Variants in VPS35L observed in about 807,000 individuals in gnomAD.
The protein encoded by VPS35L is VPS35 endosomal protein-sorting factor-like.
In VPS35L, 83 loss-of-function variants were observed where a neutral mutation model predicts 133.0. The observed-to-expected ratio is 0.62, with a 90% confidence interval of 0.52 to 0.75. VPS35L has a LOEUF of 0.75. Ranked by LOEUF, VPS35L falls within the 30% of genes least tolerant of loss-of-function variation. VPS35L has a pLI of 0.00. For missense variants in VPS35L, 1,083 were observed against 1,206.8 expected, an observed-to-expected ratio of 0.90 and a Z score of 1.52; for synonymous variants, 423 against 449.9, an observed-to-expected ratio of 0.94 and a Z score of 0.76.
intron 8 of VPS35L, among the ~76,000 whole-genome samples, chr16:19,600,820 C>T (rs1276726167): frequency 2.0e-5 from 3 of 152,176 alleles, no homozygotes; most frequent in African/African-American, 7.2e-5. Flanking sequence ...GGGGCAGCTA[C>T]TAATTTGCTC....
chr16:19,638,465 A>G (rs768142625), intron 20 of VPS35L, among the ~76,000 whole-genome samples: 18 of 152,226 alleles, frequency 1.2e-4, no homozygotes, highest in Non-Finnish European at 2.2e-4. Context: ...TGCTGTGTAT[A>G]CTATGTTTTA....
chr16:19,674,004 C>A (rs532467224), intron 27 of VPS35L, among the ~76,000 whole-genome samples: 2 of 151,980 alleles, frequency 1.3e-5, no homozygotes, highest in Non-Finnish European at 1.5e-5. Context: ...TTGTGGGACG[C>A]GGCATTAGTA....
chr16:19,563,514 T>TTC (rs965443785), intron 1 of VPS35L, among the ~76,000 whole-genome samples: 1 of 152,128 alleles, frequency 6.6e-6, no homozygotes, highest in Non-Finnish European at 1.5e-5. Flanking sequence ...TTCTTGCACA[T>TTC]TCTCTCTCTC....
chr16:19,593,731 A>G (rs1228211528), intron 8 of VPS35L, among the ~76,000 whole-genome samples: 1 of 152,076 alleles, frequency 6.6e-6, no homozygotes, highest in Non-Finnish European at 1.5e-5. Context: ...AGCCTGGCCA[A>G]CATGGTGAAA....
chr16:19,582,009 C>T lies in VPS35L; in HGVS notation c.639+356C>T, dbSNP rs536418077. 6 of 195,280 alleles carry T rather than the reference C, an allele frequency of 3.1e-5. No individual in the cohort carries two copies. In the East Asian group the frequency reaches 3.7e-4, roughly 12 times the overall value. 12.1% of individuals were successfully genotyped at this position (195,280 alleles called of 1,614,324 possible). Reference sequence around the variant, plus strand: ...CACTAAAGATTGAGCAACTTTCTTTCGGGATTCCTTGACCGCATTCGCTTG... The same window carrying T: ...CACTAAAGATTGAGCAACTTTCTTTTGGGATTCCTTGACCGCATTCGCTTG... On this transcript the variant is annotated intron_variant, in intron 7 of 30. Transcript: ENST00000417362.
chr16:19,696,472 T>C (rs1567498065), intron 29 of VPS35L, among the ~76,000 whole-genome samples: 1 of 152,178 alleles, frequency 6.6e-6, no homozygotes, highest in Non-Finnish European at 1.5e-5. Flanking sequence ...TCACAAGCTG[T>C]ATTTTATGAA....
chr16:19,691,279 C>A, intron 28 of VPS35L, 74 bp from the exon 29 acceptor site: 1 of 1,210,534 alleles, frequency 8.3e-7, no homozygotes, highest in South Asian at 1.2e-5. Flanking sequence ...TGTGACATGA[C>A]ACACGGCTGC....
chr16:19,558,876 TC>T, intron 1 of VPS35L, among the ~76,000 whole-genome samples: 1 of 147,534 alleles, frequency 6.8e-6, no homozygotes, highest in East Asian at 2.0e-4. Context: ...TGAGCTGAGA[TC>T]GCGCCACTGC....
At chr16:19,691,881 C>CT (rs555976435) in intron 29 of VPS35L, among the ~76,000 whole-genome samples, 5,149 of 144,286 alleles carry the variant, frequency 0.036, 111 homozygotes, top group African/African-American at 0.067. Flanking sequence ...CCTGGTGAGT[C>CT]TTTTTTTTTT....
At chr16:19,698,613 G>C (rs1030930291) in intron 29 of VPS35L, among the ~76,000 whole-genome samples, 1 of 152,132 alleles carries the variant, frequency 6.6e-6, no homozygotes, top group Non-Finnish European at 1.5e-5. Flanking sequence ...TAAATCACGC[G>C]AGTTGTATAA....
chr16:19,583,046 A>AC (rs1971757241), intron 7 of VPS35L, among the ~76,000 whole-genome samples: 1 of 152,050 alleles, frequency 6.6e-6, no homozygotes, highest in South Asian at 2.1e-4. Flanking sequence ...TATACGGTAA[A>AC]GTTTTTTTGT....
chr16:19,593,802 A>T (rs1007109838), intron 8 of VPS35L, among the ~76,000 whole-genome samples: 1 of 152,132 alleles, frequency 6.6e-6, no homozygotes, highest in African/African-American at 2.4e-5. Flanking sequence ...CTGTAGTCCC[A>T]GCTACTTGGG....
rs377617727 is a variant in VPS35L, at chr16:19,660,255, G to A, written c.2221+8165G>A. ...AGGCACGAGAATTGTTTGAACCTGGGAGGTGGAGGTTGCAGTGAGCCATGA... is the reference window on the plus strand; with the variant it reads ...AGGCACGAGAATTGTTTGAACCTGGAAGGTGGAGGTTGCAGTGAGCCATGA... On this transcript the variant is annotated intron_variant, in intron 26 of 30. Transcript: ENST00000417362. 4.6e-5 allele frequency among the ~76,000 whole-genome samples: 7 copies of A among 152,080 alleles called. No homozygotes were observed. The South Asian group carries it at 8.3e-4, about 18-fold the overall frequency.
intron 7 of VPS35L, among the ~76,000 whole-genome samples, chr16:19,583,850 C>A (rs554816637): frequency 1.3e-5 from 2 of 152,276 alleles, no homozygotes; most frequent in East Asian, 3.9e-4. Flanking sequence ...TGTTAACCAA[C>A]CTCTTTGTTC....
intron 14 of VPS35L, among the ~76,000 whole-genome samples, chr16:19,622,482 ACAGT>A (rs1973117359): frequency 6.6e-6 from 1 of 151,978 alleles, no homozygotes; most frequent in South Asian, 2.1e-4. Context: ...CTCAAGTCTC[ACAGT>A]CTCACAGTTG....
At position 19,609,021 on chromosome 16, in the gene VPS35L, C is replaced by T. The variant is rs140659275; in HGVS notation, c.929C>T (p.Thr310Met). 5.2e-5 allele frequency: 84 copies of T among 1,613,156 alleles called. No homozygotes were observed. The African/African-American group carries it at 7.6e-4, about 15-fold the overall frequency. ...AAATGTAACAAATTCCTCTCCAAAACGTAAGGCTCTTCGGTAAAATCTAGA... is the reference window on the plus strand; with the variant it reads ...AAATGTAACAAATTCCTCTCCAAAATGTAAGGCTCTTCGGTAAAATCTAGA... ...ILKCNKFLSK[T>M]GISECLPRLT... The change falls in exon 11 of 31, where the codon ACG (threonine) becomes ATG (methionine). Residue 310 changes from threonine (T) to methionine (M), a missense_variant and splice_region_variant. By Grantham distance (81) the Thr-to-Met change is moderately conservative (BLOSUM62 -1). Transcript: ENST00000417362.
chr16:19,618,542 A>G (rs1183684304), intron 14 of VPS35L, among the ~76,000 whole-genome samples: 2 of 152,206 alleles, frequency 1.3e-5, no homozygotes, highest in Non-Finnish European at 2.9e-5. Context: ...AAAGTTACAC[A>G]CATTGCTGTG....
At chr16:19,558,196 G>A (rs1371079863) in intron 1 of VPS35L, among the ~76,000 whole-genome samples, 1 of 152,214 alleles carries the variant, frequency 6.6e-6, no homozygotes, top group East Asian at 1.9e-4. Context: ...GAGGAGAAAT[G>A]AGTTTCTGTC....
intron 26 of VPS35L, among the ~76,000 whole-genome samples, chr16:19,658,143 C>T (rs1597402258): frequency 6.6e-6 from 1 of 152,292 alleles, no homozygotes; most frequent in East Asian, 1.9e-4. Context: ...TTATAACCTG[C>T]AGTTTCTTCC....
Sources: gnomAD v4.1 joint callset for allele counts (sites outside exome capture counted in the v4.1 genomes callset) on GRCh38, gnomAD v4.1.1 for gene constraint, MANE v1.5 for transcripts, NCBI Gene and HGNC (gene_info 2026-07-23, HGNC 2026-07-21) for gene names.